Variants in PDE3A observed in about 807,000 individuals in gnomAD.
PDE3A encodes cGMP-inhibited 3',5'-cyclic phosphodiesterase 3A.
A neutral mutation model predicts 98.3 loss-of-function variants in PDE3A; 43 were observed. The ratio of observed to expected loss-of-function variants is 0.44; its 90% CI spans 0.34 to 0.56. PDE3A has a LOEUF of 0.56. PDE3A is among the 20% of genes least tolerant of loss of function. PDE3A has a pLI of 0.01. For synonymous variants in PDE3A, 663 were observed against 567.9 expected, an observed-to-expected ratio of 1.17 and a Z score of -2.38; for missense variants, 1,427 against 1,440.7, an observed-to-expected ratio of 0.99 and a Z score of 0.15.
intron 1 of PDE3A, among the ~76,000 whole-genome samples, chr12:20,473,323 G>A (rs927517637): frequency 3.3e-5 from 5 of 152,096 alleles, no homozygotes; most frequent in South Asian, 2.1e-4. Context: ...CAAGACCTAC[G>A]TCATTCTTGA....
At chr12:20,665,390 T>C (rs937832818) in intron 15 of PDE3A, among the ~76,000 whole-genome samples, 2 of 152,220 alleles carry the variant, frequency 1.3e-5, no homozygotes, top group African/African-American at 4.8e-5. Flanking sequence ...AATTAAAGGA[T>C]GTAATTCTGT....
intron 1 of PDE3A, among the ~76,000 whole-genome samples, chr12:20,525,199 C>T (rs112779519): frequency 2.6e-5 from 4 of 152,176 alleles, no homozygotes; most frequent in African/African-American, 9.6e-5. Flanking sequence ...TCTCCCTGTG[C>T]GTCAGTTTCC....
intron 1 of PDE3A, among the ~76,000 whole-genome samples, chr12:20,473,188 A>G (rs1454227265): frequency 6.6e-6 from 1 of 152,162 alleles, no homozygotes; most frequent in Non-Finnish European, 1.5e-5. Context: ...TAATATTGGT[A>G]CAGTTTAAAG....
intron 1 of PDE3A, among the ~76,000 whole-genome samples, chr12:20,456,876 G>C (rs1483689553): frequency 5.9e-5 from 9 of 152,068 alleles, no homozygotes; most frequent in Admixed American, 5.2e-4. Context: ...TTGCCAGCTG[G>C]GGACCATACT....
chr12:20,613,304 T>C, intron 2 of PDE3A, 139 bp from the exon 3 acceptor site: 1 of 747,078 alleles, frequency 1.3e-6, no homozygotes, highest in Non-Finnish European at 2.2e-6. Context: ...GAATTTGAAA[T>C]AGGTGGTGTG....
At chr12:20,414,587 C>G (rs1944390277) in intron 1 of PDE3A, among the ~76,000 whole-genome samples, 1 of 152,142 alleles carries the variant, frequency 6.6e-6, no homozygotes, top group African/African-American at 2.4e-5. Flanking sequence ...ATTTAACACC[C>G]TTTGGTGGCA....
chr12:20,479,135 G>T (rs943316085), intron 1 of PDE3A, among the ~76,000 whole-genome samples: 1 of 152,166 alleles, frequency 6.6e-6, no homozygotes, highest in African/African-American at 2.4e-5. Flanking sequence ...AAGAATAATG[G>T]TTGAGTTATG....
At chr12:20,545,777 C>CAAA (rs5796868) in intron 1 of PDE3A, among the ~76,000 whole-genome samples, 27,770 of 140,222 alleles carry the variant, frequency 0.2, 3,657 homozygotes, top group East Asian at 0.39. Flanking sequence ...TAGTGGCTGC[C>CAAA]AAAAAAAAAA....
At chr12:20,489,710 C>G (rs1364270038) in intron 1 of PDE3A, among the ~76,000 whole-genome samples, 2 of 152,040 alleles carry the variant, frequency 1.3e-5, no homozygotes, top group African/African-American at 4.8e-5. Context: ...TGGCTTTATT[C>G]CAGCAAAATT....
intron 2 of PDE3A, among the ~76,000 whole-genome samples, chr12:20,584,816 T>C (rs1335455389): frequency 6.6e-6 from 1 of 152,182 alleles, no homozygotes; most frequent in South Asian, 2.1e-4. Flanking sequence ...TCATTTTTTT[T>C]ATGTCCTTGC....
chr12:20,551,483 C>T (rs1592048154), intron 1 of PDE3A: 2 of 709,632 alleles, frequency 2.8e-6, no homozygotes, highest in East Asian at 2.7e-5. Context: ...GGTGCATGGC[C>T]GTTCTTAGTT....
In PDE3A at chr12:20,637,206, T is replaced by C. The variant is rs375589024; in HGVS notation, c.2108T>C (p.Ile703Thr). Reference sequence around the variant, plus strand: ...CCAATTTTTGATTTAGTGGAAAATATAGGAAGAAAATGTGGCCGTATTCTT... The same window carrying C: ...CCAATTTTTGATTTAGTGGAAAATACAGGAAGAAAATGTGGCCGTATTCTT... ...NFPIFDLVEN[I>T]GRKCGRILSQ... The change falls in exon 9 of 16, where the codon ATA becomes ACA. Residue 703 changes from isoleucine to threonine, a missense_variant. Around this residue, in one of 3 missense-constraint regions of PDE3A, gnomAD observed 273 missense variants for 420.3 expected, o/e 0.65. Transcript: ENST00000359062. 11 of 1,609,440 alleles carry C rather than the reference T, an allele frequency of 6.8e-6. No homozygotes were observed. The highest frequency in any genetic ancestry group is 6.7e-5 in the Admixed American group (4 of 59,804).
At chr12:20,581,264 C>T (rs1943056088) in intron 2 of PDE3A, among the ~76,000 whole-genome samples, 1 of 152,140 alleles carries the variant, frequency 6.6e-6, no homozygotes, top group Non-Finnish European at 1.5e-5. Flanking sequence ...AAACAGAAGG[C>T]TTATTGCCCC....
At chr12:20,449,794 G>A (rs1238271243) in intron 1 of PDE3A, 3 of 518,786 alleles carry the variant, frequency 5.8e-6, no homozygotes, top group South Asian at 4.2e-5. Flanking sequence ...GGATTACTTG[G>A]TCAGTTTTGG....
At position 20,386,082 on chromosome 12, in the gene PDE3A, A is replaced by AATATATATAAAAAT. The variant is rs1472136882; in HGVS notation, c.960+15845_960+15846insTAAAAATATATATA. On this transcript the variant is annotated intron_variant, in intron 1 of 15. Transcript: ENST00000359062. ...TATAAATATATATAAAATATATATA[A>AATATATATAAAAAT]ATATATAAATATATATAAATATATA... is the stretch of plus-strand genomic sequence containing the variant. 1.2e-3 allele frequency among the ~76,000 whole-genome samples: 33 copies of AATATATATAAAAAT among 27,372 alleles called. 5 individuals are homozygous for AATATATATAAAAAT. Among genetic ancestry groups the AATATATATAAAAAT allele is most frequent in the African/African-American group, 3.2e-3 (31 of 9,638 alleles). 18.0% of individuals were successfully genotyped at this position (27,372 alleles called of 152,430 possible). A position where few individuals can be genotyped will look rare whatever the true frequency, so the allele number is the denominator to read the frequency against.
intron 15 of PDE3A, among the ~76,000 whole-genome samples, chr12:20,654,473 A>G (rs1363429687): frequency 2.1e-5 from 3 of 145,570 alleles, no homozygotes; most frequent in African/African-American, 5.2e-5. Flanking sequence ...GTTGAAGCCT[A>G]TTCTTCAGGG....
At chr12:20,521,525 G>T (rs977111670) in intron 1 of PDE3A, among the ~76,000 whole-genome samples, 19 of 152,238 alleles carry the variant, frequency 1.2e-4, no homozygotes, top group African/African-American at 4.1e-4. Flanking sequence ...TTTCCAATTT[G>T]ATACACAGTC....
chr12:20,450,006 T>G, intron 1 of PDE3A: 1 of 686,766 alleles, frequency 1.5e-6, no homozygotes, highest in Non-Finnish European at 2.7e-6. Context: ...ATAAATTAGC[T>G]CCATCTACCT....
chr12:20,398,603 C>T (rs1944064445), intron 1 of PDE3A, among the ~76,000 whole-genome samples: 1 of 151,950 alleles, frequency 6.6e-6, no homozygotes, highest in Non-Finnish European at 1.5e-5. Context: ...GAGCTTTACT[C>T]TAGTGGCCTT....
Sources: allele counts gnomAD v4.1 joint callset (sites outside exome capture counted in the v4.1 genomes callset), GRCh38; gene constraint gnomAD v4.1.1; regional missense constraint gnomAD v4.1.1; transcripts MANE v1.5; gene names NCBI Gene and HGNC (gene_info 2026-07-23, HGNC 2026-07-21).